Variants in ARHGAP31 observed in about 807,000 individuals in gnomAD.
The protein encoded by ARHGAP31 is rho GTPase-activating protein 31.
ARHGAP31 carries 34 observed loss-of-function variants against 113.9 expected under a neutral mutation model. The observed-to-expected ratio is 0.30, with a 90% CI of 0.23 to 0.40. The LOEUF is 0.40. Among genes scored for constraint, ARHGAP31 ranks in the 10% least tolerant of loss-of-function variants. The pLI, the probability that ARHGAP31 is intolerant of heterozygous loss-of-function variation, is 1.00. For missense variants in ARHGAP31, 1,548 were observed against 1,767.1 expected, an observed-to-expected ratio of 0.88 and a Z score of 2.22; for synonymous variants, 650 against 684.8, an observed-to-expected ratio of 0.95 and a Z score of 0.79.
At chr3:119,382,966 T>G in intron 5 of ARHGAP31, 118 bp from the exon 6 acceptor site, 1 of 1,312,130 alleles carries the variant, frequency 7.6e-7, no homozygotes, top group Non-Finnish European at 1.1e-6. Context: ...AATTAAAATA[T>G]TCTATGAACT....
chr3:119,316,727 C>T (rs887104793), intron 1 of ARHGAP31, among the ~76,000 whole-genome samples: 20 of 152,332 alleles, frequency 1.3e-4, no homozygotes, highest in African/African-American at 4.8e-4. Context: ...AGTGGGGCCT[C>T]AGAGGGAAGG....
intron 3 of ARHGAP31, among the ~76,000 whole-genome samples, chr3:119,376,344 T>C (rs927264364): frequency 2.0e-5 from 3 of 152,022 alleles, no homozygotes; most frequent in African/African-American, 4.8e-5. Flanking sequence ...CAAAAATTAT[T>C]CGGGCATGGT....
chr3:119,370,303 G>A (rs933924042), intron 3 of ARHGAP31, among the ~76,000 whole-genome samples: 3 of 152,120 alleles, frequency 2.0e-5, no homozygotes, highest in Non-Finnish European at 4.4e-5. Context: ...AAAAATGAAG[G>A]AAAGTAGAAA....
chr3:119,394,809 A>G (rs955668313), intron 8 of ARHGAP31, among the ~76,000 whole-genome samples: 6 of 152,136 alleles, frequency 3.9e-5, no homozygotes, highest in African/African-American at 1.4e-4. Flanking sequence ...AAATAAGAAA[A>G]AACAACAAAA....
intron 7 of ARHGAP31, among the ~76,000 whole-genome samples, chr3:119,392,972 G>GTGGCCCA (rs2080518310): frequency 1.3e-5 from 2 of 152,102 alleles, no homozygotes; most frequent in African/African-American, 4.8e-5. Context: ...TGTGTGGTGG[G>GTGGCCCA]TGGCCCAGTA....
intron 10 of ARHGAP31, among the ~76,000 whole-genome samples, chr3:119,408,924 A>T (rs1433734677): frequency 6.6e-6 from 1 of 152,186 alleles, no homozygotes; most frequent in Admixed American, 6.5e-5. Flanking sequence ...GCTGTTAATC[A>T]TAATTATAAG....
intron 1 of ARHGAP31, among the ~76,000 whole-genome samples, chr3:119,347,197 C>T (rs2080068158): frequency 6.6e-6 from 1 of 152,188 alleles, no homozygotes; most frequent in South Asian, 2.1e-4. Context: ...CCAGCCTTTT[C>T]TTCCACTCAT....
At chr3:119,386,093 A>G (rs1235255592) in intron 6 of ARHGAP31, among the ~76,000 whole-genome samples, 1 of 152,134 alleles carries the variant, frequency 6.6e-6, no homozygotes, top group Non-Finnish European at 1.5e-5. Context: ...ATTCACATAC[A>G]TTTCATTTAA....
chr3:119,381,094 A>G (rs2080393239), intron 4 of ARHGAP31, 108 bp downstream of exon 4: 2 of 1,127,596 alleles, frequency 1.8e-6, no homozygotes, highest in African/African-American at 3.0e-5. Flanking sequence ...TAGCAAGTTT[A>G]GGCTTTCCCA....
At chr3:119,397,805 T>C (rs968306244) in intron 8 of ARHGAP31, among the ~76,000 whole-genome samples, 8 of 152,222 alleles carry the variant, frequency 5.3e-5, no homozygotes, top group African/African-American at 1.9e-4. Flanking sequence ...CTGCTTCTCA[T>C]AGAACCTTCT....
intron 11 of ARHGAP31, among the ~76,000 whole-genome samples, chr3:119,410,064 G>A (rs1288895144): frequency 6.6e-6 from 1 of 152,084 alleles, no homozygotes; most frequent in Non-Finnish European, 1.5e-5. Context: ...CATGTCTTTG[G>A]AATGTAATGA....
chr3:119,347,488 C>T (rs1312105572), intron 1 of ARHGAP31, among the ~76,000 whole-genome samples: 1 of 152,176 alleles, frequency 6.6e-6, no homozygotes, highest in Non-Finnish European at 1.5e-5. Context: ...ATGGGTCACC[C>T]CATGCCTGGA....
At chr3:119,318,001 C>T (rs1269321162) in intron 1 of ARHGAP31, among the ~76,000 whole-genome samples, 3 of 151,684 alleles carry the variant, frequency 2.0e-5, no homozygotes, top group Non-Finnish European at 2.9e-5. Context: ...AGTTTGTTCA[C>T]GGTTTTTAAA....
At chr3:119,298,008 C>A (rs2079548386) in intron 1 of ARHGAP31, among the ~76,000 whole-genome samples, 1 of 152,094 alleles carries the variant, frequency 6.6e-6, no homozygotes. Flanking sequence ...TGTGATCACC[C>A]CTCACTGGCT....
intron 1 of ARHGAP31, among the ~76,000 whole-genome samples, chr3:119,332,635 T>TCTCTCTCTCTCA (rs1403595583): frequency 1.2e-5 from 1 of 85,664 alleles, no homozygotes; most frequent in Admixed American, 1.4e-4. Context: ...TCTCTCTCTC[T>TCTCTCTCTCTCA]CACACACACA....
At chr3:119,406,217 G>T (rs989024719) in intron 10 of ARHGAP31, among the ~76,000 whole-genome samples, 2 of 152,256 alleles carry the variant, frequency 1.3e-5, no homozygotes, top group Middle Eastern at 3.4e-3. Context: ...CTCATGGTTA[G>T]CACGGGCCCT....
chr3:119,365,593 A>C (rs1353335869), intron 2 of ARHGAP31, among the ~76,000 whole-genome samples, 175 bp downstream of exon 2: 1 of 152,216 alleles, frequency 6.6e-6, no homozygotes, highest in Non-Finnish European at 1.5e-5. Context: ...CTAATCAGGA[A>C]ACCCTCCAGC....
At chr3:119,342,604 GA>G (rs1295347451) in intron 1 of ARHGAP31, among the ~76,000 whole-genome samples, 1 of 152,186 alleles carries the variant, frequency 6.6e-6, no homozygotes, top group Non-Finnish European at 1.5e-5. Context: ...AAATAAGTAA[GA>G]GCCTCAAGGC....
chr3:119,336,601 A>G (rs1203487064), intron 1 of ARHGAP31, among the ~76,000 whole-genome samples: 1 of 152,216 alleles, frequency 6.6e-6, no homozygotes, highest in African/African-American at 2.4e-5. Context: ...TTGTTGGTCT[A>G]AGTTCTAAAC....
Sources: allele counts gnomAD v4.1 joint callset (sites outside exome capture counted in the v4.1 genomes callset), GRCh38; gene constraint gnomAD v4.1.1; transcripts MANE v1.5; gene names NCBI Gene and HGNC (gene_info 2026-07-23, HGNC 2026-07-21).